The following MS4A7 variants were observed in gnomAD, a reference collection of about 807,000 sequenced individuals.
The protein encoded by MS4A7 is membrane spanning 4-domains A7, also known as membrane-spanning 4-domains subfamily A member 7.
Under a neutral mutation model 23.5 loss-of-function variants are expected in MS4A7, and 21 were observed. That is an observed-to-expected ratio of 0.89 (90% CI 0.63 to 1.29). The LOEUF (loss-of-function observed/expected upper bound fraction) is 1.29, where lower values mean the gene tolerates loss of function less well. MS4A7 is among the 50% of genes most tolerant of loss of function. MS4A7 has a pLI of 0.00. For missense variants in MS4A7, 263 were observed against 274.2 expected (o/e 0.96, Z 0.29); for synonymous variants, 111 against 107.4 (o/e 1.03, Z -0.21).
Position 60,393,901 on chromosome 11 carries a change from C to A in MS4A7, c.*40C>A. The stretch of plus-strand genomic sequence containing the variant: ...CAGAGGAAGGAAAAGCAACTCAACA[C>A]TCATGGTCAAGTGTGATTAGACTTT... On this transcript the variant is annotated 3_prime_UTR_variant, in exon 7 of 7. Transcript: ENST00000300184. The A allele has an allele frequency of 7.3e-7, 1 of 1,374,844 alleles. No homozygotes were observed. Among genetic ancestry groups the A allele is most frequent in the Non-Finnish European group, 1.0e-6 (1 of 982,396 alleles). 85.2% of individuals were successfully genotyped at this position (1,374,844 alleles called of 1,614,324 possible).
Position 60,394,964 on chromosome 11 carries a change from C to T in MS4A7, c.*1103C>T, listed in dbSNP as rs896688291. On this transcript the variant is annotated 3_prime_UTR_variant, in exon 7 of 7. Coordinates refer to ENST00000300184, the MANE Select transcript of MS4A7 (RefSeq NM_021201.5). ...ATTTCAGGGTAGGAGTCAATGAAGA[C>T]ATCTTAGTCTTAACAAGTTACAGAT... 3 of 664,808 alleles carry T rather than the reference C, an allele frequency of 4.5e-6. No homozygotes were observed. The highest frequency in any genetic ancestry group is 1.8e-5 in the African/African-American group (1 of 56,768). The allele number at this position is 664,808 out of a possible 1,614,324, so 41.2% of individuals were successfully genotyped here. A position where few individuals can be genotyped will look rare whatever the true frequency, so the allele number is the denominator to read the frequency against.
At chr11:60,393,435 A>G (rs2135110828) in intron 6 of MS4A7, among the ~76,000 whole-genome samples, 1 of 152,254 alleles carries the variant, frequency 6.6e-6, no homozygotes, top group East Asian at 1.9e-4. Flanking sequence ...ATGAGACTTT[A>G]CTAGAATGTC....
chr11:60,386,123 C>A (rs1590793372), intron 3 of MS4A7, among the ~76,000 whole-genome samples: 3 of 152,232 alleles, frequency 2.0e-5, no homozygotes, highest in African/African-American at 4.8e-5. Context: ...ACTTAAGCAA[C>A]TTTTCAGCTT....
intron 1 of MS4A7, among the ~76,000 whole-genome samples, chr11:60,379,367 A>T (rs1326672254): frequency 6.6e-6 from 1 of 152,242 alleles, no homozygotes; most frequent in African/African-American, 2.4e-5. Flanking sequence ...CATAGTGGCA[A>T]AAAGAAAAAA....
chr11:60,383,061 GGTCCCTGGGAAGTTTAT>G, intron 1 of MS4A7, 51 bp from the exon 2 acceptor site: 1 of 1,517,464 alleles, frequency 6.6e-7, no homozygotes, highest in Non-Finnish European at 9.0e-7. Flanking sequence ...TACAAAGTAT[GGTCCCTGGGAAGTTTAT>G]GTCTGTAAGT....
chr11:60,380,577 T>A (rs2085418020), intron 1 of MS4A7, among the ~76,000 whole-genome samples: 1 of 152,218 alleles, frequency 6.6e-6, no homozygotes, highest in African/African-American at 2.4e-5. Context: ...TCAAGCATTT[T>A]CTGCAGTCCT....
chr11:60,383,149 T>C lies in MS4A7; in HGVS notation c.8T>C (p.Leu3Ser), dbSNP rs1246427055. ...TCCAGCATCATCAGCATCATGCTAT[T>C]ACAATCCCAAACCATGGGGGTTTCT... ML[L>S]QSQTMGVSHS... is the part of the protein sequence containing the mutation. The change falls in exon 2 of 7, where the codon TTA becomes TCA. Residue 3 changes from leucine (L) to serine (S), a missense_variant. Coordinates refer to ENST00000300184, the MANE Select transcript of MS4A7 (RefSeq NM_021201.5). 1.2e-6 allele frequency: 2 copies of C among 1,613,644 alleles called. No individual in the cohort carries two copies. The highest frequency in any genetic ancestry group is 3.3e-5 in the Admixed American group (2 of 59,970).
At position 60,394,795 on chromosome 11, in the gene MS4A7, T is replaced by C. The variant is rs1333602946; in HGVS notation, c.*934T>C. 3.2e-6 allele frequency: 1 copy of C among 307,968 alleles called. No individual in the cohort carries two copies. The highest frequency in any genetic ancestry group is 5.0e-5 in the East Asian group (1 of 19,848). 19.1% of individuals were successfully genotyped at this position (307,968 alleles called of 1,614,324 possible). ...CCAGCCCGGCCTACAAGAACAAAAC[T>C]CCATCTCAAAATAAATAAAAAAATA... On this transcript the variant is annotated 3_prime_UTR_variant, in exon 7 of 7. Transcript: ENST00000300184.
rs2085598586 is a variant in MS4A7 at position 60,394,965 on chromosome 11, A to T, written c.*1104A>T. On this transcript the variant is annotated 3_prime_UTR_variant, in exon 7 of 7. Transcript: ENST00000300184. ...TTTCAGGGTAGGAGTCAATGAAGACATCTTAGTCTTAACAAGTTACAGATA... is the reference window on the plus strand; with the variant it reads ...TTTCAGGGTAGGAGTCAATGAAGACTTCTTAGTCTTAACAAGTTACAGATA... 1.5e-6 allele frequency: 1 copy of T among 666,502 alleles called. No homozygotes were observed. Among genetic ancestry groups the T allele is most frequent in the Admixed American group, 2.0e-5 (1 of 48,872 alleles). The allele number at this position is 666,502 out of a possible 1,614,324, so 41.3% of individuals were successfully genotyped here.
rs2085608632 is a variant in MS4A7, at chr11:60,395,674, G to A, written c.*1813G>A. 6.6e-6 allele frequency: 1 copy of A among 151,956 alleles called. No homozygotes were observed. The highest frequency in any genetic ancestry group is 1.5e-5 in the Non-Finnish European group (1 of 67,986). The allele number at this position is 151,956 out of a possible 1,614,324, so 9.4% of individuals were successfully genotyped here. A position where few individuals can be genotyped will look rare whatever the true frequency, so the allele number is the denominator to read the frequency against. ...CTTTATGAAAGCTAAAATATTCTCT[G>A]TTATAAAGGGGCAACTCCATCTGGT... On this transcript the variant is annotated 3_prime_UTR_variant, in exon 7 of 7. Transcript: ENST00000300184.
intron 6 of MS4A7, 151 bp downstream of exon 6, chr11:60,392,937 CA>C: frequency 1.7e-6 from 1 of 603,118 alleles, no homozygotes; most frequent in Non-Finnish European, 2.9e-6. Flanking sequence ...ATGAGTTTAA[CA>C]GTGAAACCCC....
chr11:60,386,694 T>C lies in MS4A7; in HGVS notation c.283-23T>C, dbSNP rs2233247. The C allele has an allele frequency of 4.9e-3, 7,807 of 1,600,052 alleles. 331 individuals carry two copies. In the Admixed American group the frequency reaches 0.088, roughly 18 times the overall value. ...CATTTCCACAAGACAACTGAACTGA[T>C]CATTTCTCTCTCTTCTGGGCAGTTT... is the stretch of plus-strand genomic sequence containing the variant. On this transcript the variant is annotated intron_variant, in intron 3 of 6. Coordinates refer to ENST00000300184, the MANE Select transcript of MS4A7 (RefSeq NM_021201.5).
At chr11:60,385,281 A>G in intron 3 of MS4A7, 59 bp downstream of exon 3, 1 of 1,592,920 alleles carries the variant, frequency 6.3e-7, no homozygotes. Context: ...CCAGGTGCAT[A>G]GTCGTGGAGT....
rs776034699 is a variant in MS4A7, at chr11:60,389,415, C to A, written c.365C>A (p.Ala122Glu). The change falls in exon 5 of 7, where the codon GCA becomes GAA. Residue 122 changes from alanine to glutamate, a missense_variant. Coordinates refer to ENST00000300184, the MANE Select transcript of MS4A7 (RefSeq NM_021201.5). ...GACCTGAGCAGCTTGACCTCAAATG[C>A]AGTGAGTTCTGTTACTGCAGGAGCA... ...PFDLSSLTSNAVSSVTAGAGL... is the reference protein window; with the variant it reads ...PFDLSSLTSNEVSSVTAGAGL... 3 of 1,612,920 alleles carry A rather than the reference C, an allele frequency of 1.9e-6. No homozygotes were observed. In the African/African-American group the frequency reaches 4.0e-5, roughly 22 times the overall value.
intron 1 of MS4A7, among the ~76,000 whole-genome samples, chr11:60,379,381 A>G (rs1256645859): frequency 1.3e-5 from 2 of 152,212 alleles, no homozygotes; most frequent in East Asian, 3.8e-4. Context: ...GAAAAAATAG[A>G]AACCACCTAA....
intron 1 of MS4A7, among the ~76,000 whole-genome samples, chr11:60,382,309 A>C (rs190586161): frequency 2.3e-4 from 35 of 152,378 alleles, no homozygotes; most frequent in African/African-American, 8.2e-4. Context: ...CGTCTGAGCC[A>C]GACAAGTCTC....
chr11:60,385,900 C>A (rs1021089784), intron 3 of MS4A7, among the ~76,000 whole-genome samples: 7 of 152,210 alleles, frequency 4.6e-5, no homozygotes, highest in African/African-American at 1.7e-4. Context: ...GGCAAATGAA[C>A]TATACTAAGG....
chr11:60,384,193 G>A (rs1459040363), intron 2 of MS4A7, among the ~76,000 whole-genome samples: 2 of 152,162 alleles, frequency 1.3e-5, no homozygotes, highest in African/African-American at 4.8e-5. Context: ...AAAAATGAAA[G>A]TTAGATCATG....
Position 60,395,038 on chromosome 11 carries a change from C to A in MS4A7, c.*1177C>A. On this transcript the variant is annotated 3_prime_UTR_variant, in exon 7 of 7. Transcript: ENST00000300184. ...GCTTCTAGCTTGGAGCTAAATGCTG[C>A]TCATGCTGAAAAGAATAATGTCTAT... is the stretch of plus-strand genomic sequence containing the variant. 1.7e-6 allele frequency: 1 copy of A among 592,546 alleles called. No individual in the cohort carries two copies. Among genetic ancestry groups the A allele is most frequent in the Non-Finnish European group, 3.1e-6 (1 of 327,362 alleles). 36.7% of individuals were successfully genotyped at this position (592,546 alleles called of 1,614,324 possible). A position where few individuals can be genotyped will look rare whatever the true frequency, so the allele number is the denominator to read the frequency against.
Sources: allele counts gnomAD v4.1 joint callset (sites outside exome capture counted in the v4.1 genomes callset), GRCh38; gene constraint gnomAD v4.1.1; transcripts MANE v1.5; gene names NCBI Gene and HGNC (gene_info 2026-07-23, HGNC 2026-07-21).